The following PLEKHG3 variants were observed in gnomAD, a reference collection of about 807,000 sequenced individuals.
PLEKHG3 encodes the protein pleckstrin homology domain-containing family G member 3.
Under a neutral mutation model 94.9 loss-of-function variants are expected in PLEKHG3, and 62 were observed. The ratio of observed to expected loss-of-function variants is 0.65; its 90% CI spans 0.53 to 0.81. PLEKHG3 has a LOEUF of 0.81. Ranked by LOEUF, PLEKHG3 falls within the 30% of genes least tolerant of loss-of-function variation. The probability of loss-of-function intolerance (pLI) is 0.00; values close to 1 mark genes in which losing one functional copy is unlikely to be tolerated. For synonymous variants in PLEKHG3, 614 were observed against 654.0 expected (o/e 0.94, Z 0.93); for missense variants, 1,461 against 1,619.3 (o/e 0.90, Z 1.68).
At position 64,741,669 on chromosome 14, in the gene PLEKHG3, G is replaced by C. The variant is rs202104329; in HGVS notation, c.2152G>C (p.Asp718His). The C allele has an allele frequency of 1.2e-6, 2 of 1,613,018 alleles. No individual in the cohort carries two copies. Among genetic ancestry groups the C allele is most frequent in the Non-Finnish European group, 1.7e-6 (2 of 1,180,038 alleles). The change falls in exon 16 of 17, where the codon GAC (aspartate) becomes CAC (histidine). Residue 718 changes from aspartate to histidine, a missense_variant. By Grantham distance (81) the Asp-to-His change is moderately conservative. Around this residue, in one of 3 missense-constraint regions of PLEKHG3, gnomAD observed 1,201 missense variants for 1,295.5 expected, o/e 0.93. Transcript: ENST00000247226. ...CTCCACCCGAGACCGGCTGTTGCTA[G>C]ACAAGATTAAGAGCTATTATGAAAA... ...ALSTRDRLLLDKIKSYYENAE... is the reference protein window; with the variant it reads ...ALSTRDRLLLHKIKSYYENAE...
chr14:64,730,693 G>C lies in PLEKHG3; in HGVS notation c.566+5G>C. On this transcript the variant is annotated splice_donor_5th_base_variant and intron_variant, in intron 5 of 16. Transcript: ENST00000247226. The surrounding 1 kb of genome is among the most constrained non-coding windows in gnomAD (Gnocchi z 5.4). ...GTATTGCAACAATTACCCCAAGTGA[G>C]TAATTGGGGTGAGAGGGAAGGCAGA... The C allele has an allele frequency of 6.2e-7, 1 of 1,611,162 alleles. No individual in the cohort carries two copies.
At position 64,722,974 on chromosome 14, in the gene PLEKHG3, T is replaced by C. The variant is rs1416456471; in HGVS notation, c.-39-4619T>C. On this transcript the variant is annotated intron_variant, in intron 1 of 16. Transcript: ENST00000247226. The surrounding 1 kb of genome is among the most constrained non-coding windows in gnomAD (Gnocchi z 4.3). ...AGAACACTGAGGCTGTTGTGGGTTA[T>C]GAGGGTGTGCCTTTTTTCTTTCCTG... Among the ~76,000 whole-genome samples the C allele has an allele frequency of 6.6e-6, 1 of 152,148 alleles. No individual in the cohort carries two copies. Among genetic ancestry groups the C allele is most frequent in the Non-Finnish European group, 1.5e-5 (1 of 68,024 alleles).
rs1324044150 is a variant in PLEKHG3 at position 64,741,331 on chromosome 14, T to C, written c.1814T>C (p.Ile605Thr). The C allele has an allele frequency of 1.9e-6, 3 of 1,613,622 alleles. No individual in the cohort carries two copies. The highest frequency in any genetic ancestry group is 2.2e-5 in the East Asian group (1 of 44,874). ...PPSVLDQASV[I>T]AERFVSSFSR... ...TCTGTGCTGGACCAGGCCAGCGTCA[T>C]TGCGGAGCGATTTGTCAGCAGCTTC... The change falls in exon 16 of 17, where the codon ATT becomes ACT. Residue 605 changes from isoleucine to threonine, a missense_variant. By Grantham distance (89) the Ile-to-Thr change is moderately conservative. Coordinates refer to ENST00000247226, the MANE Select transcript of PLEKHG3 (RefSeq NM_001308147.2).
Position 64,736,858 on chromosome 14 carries a change from A to G in PLEKHG3, c.1351A>G (p.Thr451Ala). ...GCTCATGCTTTCCTCCTCAGAGCCA[A>G]CCAAACACCTGCTCAGGCAACTCAA... ...VRQGRRQSEP[T>A]KHLLRQLNEK... is the part of the protein sequence containing the mutation. The change falls in exon 13 of 17, where the codon ACC becomes GCC. Residue 451 changes from threonine (T) to alanine (A), a missense_variant. Physicochemically the swap from Thr to Ala is moderately conservative, Grantham distance 58. This residue lies in a region of PLEKHG3 where 1,201 missense variants were observed against 1,295.5 expected (regional missense o/e 0.93). Transcript: ENST00000247226. 2 of 1,613,222 alleles carry G rather than the reference A, an allele frequency of 1.2e-6. No homozygotes were observed. Among genetic ancestry groups the G allele is most frequent in the South Asian group, 1.1e-5 (1 of 91,066 alleles).
In PLEKHG3 at chr14:64,716,510, C is replaced by CA. The variant is rs1251193882; in HGVS notation, c.-39-11082dup. Among the ~76,000 whole-genome samples the CA allele has an allele frequency of 1.4e-4, 19 of 137,530 alleles. No individual in the cohort carries two copies. Among genetic ancestry groups the CA allele is most frequent in the South Asian group, 4.7e-4 (2 of 4,230 alleles). 90.2% of individuals were successfully genotyped at this position (137,530 alleles called of 152,430 possible). On this transcript the variant is annotated intron_variant, in intron 1 of 16. Coordinates refer to ENST00000247226, the MANE Select transcript of PLEKHG3 (RefSeq NM_001308147.2). This position sits in a 1 kb window ranked among gnomAD's most constrained non-coding sequence, Gnocchi z 5.0. Reference sequence around the variant, plus strand: ...CACACACACACAACACACACACACACACACACACACACACACACACACACA... The same window carrying CA: ...CACACACACACAACACACACACACACAACACACACACACACACACACACACA...
intron 1 of PLEKHG3, among the ~76,000 whole-genome samples, chr14:64,724,279 A>G (rs1047243028): frequency 2.6e-5 from 4 of 152,050 alleles, no homozygotes; most frequent in African/African-American, 9.7e-5. Flanking sequence ...ATCCGTCACC[A>G]TCAAACGGTG....
chr14:64,740,337 G>T, intron 15 of PLEKHG3, among the ~76,000 whole-genome samples: 1 of 152,238 alleles, frequency 6.6e-6, no homozygotes, highest in East Asian at 1.9e-4. Context: ...TATGTCATCA[G>T]TTCTGTGGTT....
In PLEKHG3 at chr14:64,743,788, G is replaced by T; in HGVS notation, c.*85G>T. ...TTCCCCTCAAGCCTGGGCTCATGGA[G>T]CCCCTGCCCAGGGCCCTCAGGTGGG... On this transcript the variant is annotated 3_prime_UTR_variant, in exon 17 of 17. Coordinates refer to ENST00000247226, the MANE Select transcript of PLEKHG3 (RefSeq NM_001308147.2). The surrounding 1 kb of genome is among the most constrained non-coding windows in gnomAD (Gnocchi z 7.2). The T allele has an allele frequency of 7.0e-7, 1 of 1,425,428 alleles. No individual in the cohort carries two copies. The highest frequency in any genetic ancestry group is 9.3e-7 in the Non-Finnish European group (1 of 1,078,924). 88.3% of individuals were successfully genotyped at this position (1,425,428 alleles called of 1,614,324 possible). A position where few individuals can be genotyped will look rare whatever the true frequency, so the allele number is the denominator to read the frequency against.
Position 64,743,311 on chromosome 14 carries a change from C to T in PLEKHG3, c.3268C>T (p.Pro1090Ser), listed in dbSNP as rs749767911. ...GGTGCCGGAGAACATGGTAGAGCCACCTCTGTCGGGCAGGGTGGGCCGCTG... is the reference window on the plus strand; with the variant it reads ...GGTGCCGGAGAACATGGTAGAGCCATCTCTGTCGGGCAGGGTGGGCCGCTG... ...HSVPENMVEP[P>S]LSGRVGRCRS... The change falls in exon 17 of 17, where the codon CCT becomes TCT. Residue 1090 changes from proline to serine, a missense_variant. By Grantham distance (74) the Pro-to-Ser change is moderately conservative. Transcript: ENST00000247226. This position sits in a 1 kb window ranked among gnomAD's most constrained non-coding sequence, Gnocchi z 7.2. 3.1e-6 allele frequency: 5 copies of T among 1,608,196 alleles called. No homozygotes were observed. In the East Asian group the frequency reaches 1.1e-4, roughly 36 times the overall value.
intron 1 of PLEKHG3, among the ~76,000 whole-genome samples, chr14:64,710,405 C>T (rs2081049790): frequency 2.0e-5 from 3 of 152,220 alleles, no homozygotes; most frequent in Non-Finnish European, 4.4e-5. Flanking sequence ...CGCAGTGGCT[C>T]ATGCCTGTAA....
chr14:64,730,177 A>T lies in PLEKHG3; in HGVS notation c.450-66A>T, dbSNP rs2081431754. ...TCAGTCAGGGTTTGGGAGGTTGGGG[A>T]GGGGGCAGTGAGGGGCATTGTCCTC... On this transcript the variant is annotated intron_variant, in intron 3 of 16. Transcript: ENST00000247226. This position sits in a 1 kb window ranked among gnomAD's most constrained non-coding sequence, Gnocchi z 5.4. The T allele has an allele frequency of 1.2e-6, 1 of 847,628 alleles. No homozygotes were observed. Among genetic ancestry groups the T allele is most frequent in the African/African-American group, 1.7e-5 (1 of 59,764 alleles). 52.5% of individuals were successfully genotyped at this position (847,628 alleles called of 1,614,324 possible). A position where few individuals can be genotyped will look rare whatever the true frequency, so the allele number is the denominator to read the frequency against.
chr14:64,738,341 C>T lies in PLEKHG3; in HGVS notation c.1405-401C>T, dbSNP rs749247307. 5 of 522,476 alleles carry T rather than the reference C, an allele frequency of 9.6e-6. No homozygotes were observed. Among genetic ancestry groups the T allele is most frequent in the Admixed American group, 6.0e-5 (2 of 33,540 alleles). The allele number at this position is 522,476 out of a possible 1,614,324, so 32.4% of individuals were successfully genotyped here. Reference sequence around the variant, plus strand: ...CACCCTGCCCTGGTTTTACTCCTCCCCTCAGCACTTAACACCATCGCTCGC... The same window carrying T: ...CACCCTGCCCTGGTTTTACTCCTCCTCTCAGCACTTAACACCATCGCTCGC... On this transcript the variant is annotated intron_variant, in intron 14 of 16. Transcript: ENST00000247226. This position sits in a 1 kb window ranked among gnomAD's most constrained non-coding sequence, Gnocchi z 4.8.
chr14:64,748,989 A>C lies in PLEKHG3; in HGVS notation c.*5286A>C. 1 of 228,872 alleles carries C rather than the reference A, an allele frequency of 4.4e-6. No individual in the cohort carries two copies. The allele number at this position is 228,872 out of a possible 1,614,324, so 14.2% of individuals were successfully genotyped here. On this transcript the variant is annotated 3_prime_UTR_variant, in exon 17 of 17. Transcript: ENST00000247226. Reference sequence around the variant, plus strand: ...TAAGGGGCCTGTGCCCCCTCGGCTCAGGAGGAGGGTGGGAGAGGAGGGCGT... The same window carrying C: ...TAAGGGGCCTGTGCCCCCTCGGCTCCGGAGGAGGGTGGGAGAGGAGGGCGT...
Position 64,725,769 on chromosome 14 carries a change from G to A in PLEKHG3, c.-39-1824G>A, listed in dbSNP as rs1479130528. On this transcript the variant is annotated intron_variant, in intron 1 of 16. Transcript: ENST00000247226. This position sits in a 1 kb window ranked among gnomAD's most constrained non-coding sequence, Gnocchi z 5.0. ...CCTTGGAGGTGACCCCCTCCAGTGA[G>A]ACACAGTGACAAAGTGCTGTGCTCC... 6.6e-6 allele frequency among the ~76,000 whole-genome samples: 1 copy of A among 152,222 alleles called. No homozygotes were observed. The highest frequency in any genetic ancestry group is 2.4e-5 in the African/African-American group (1 of 41,454).
rs1037203557 is a variant in PLEKHG3 at position 64,718,610 on chromosome 14, C to T, written c.-39-8983C>T. Among the ~76,000 whole-genome samples, 7 of 152,172 alleles carry T rather than the reference C, an allele frequency of 4.6e-5. No individual in the cohort carries two copies. The highest frequency in any genetic ancestry group is 5.9e-5 in the Non-Finnish European group (4 of 68,038). On this transcript the variant is annotated intron_variant, in intron 1 of 16. Coordinates refer to ENST00000247226, the MANE Select transcript of PLEKHG3 (RefSeq NM_001308147.2). This position sits in a 1 kb window ranked among gnomAD's most constrained non-coding sequence, Gnocchi z 5.0. ...GAGAGAGATTGAGGCACAAAGAGCC[C>T]GCTGACTTGCTCCTGATCATACAGT... is the stretch of plus-strand genomic sequence containing the variant.
At chr14:64,714,342 T>G (rs561115149) in intron 1 of PLEKHG3, among the ~76,000 whole-genome samples, 2 of 152,318 alleles carry the variant, frequency 1.3e-5, no homozygotes, top group African/African-American at 2.4e-5. Context: ...CTTCACATGT[T>G]TGGCTGCTTC....
rs1216571621 is a variant in PLEKHG3 at position 64,722,316 on chromosome 14, C to A, written c.-39-5277C>A. Among the ~76,000 whole-genome samples the A allele has an allele frequency of 6.6e-6, 1 of 152,172 alleles. No individual in the cohort carries two copies. Among genetic ancestry groups the A allele is most frequent in the Admixed American group, 6.5e-5 (1 of 15,290 alleles). ...TGCAACCTCCTGGGTTCAAGCAATT[C>A]TCCTGCCTCAGCCTCGCGAGTAGCT... On this transcript the variant is annotated intron_variant, in intron 1 of 16. Coordinates refer to ENST00000247226, the MANE Select transcript of PLEKHG3 (RefSeq NM_001308147.2). This position sits in a 1 kb window ranked among gnomAD's most constrained non-coding sequence, Gnocchi z 4.3.
chr14:64,728,326 C>T lies in PLEKHG3; in HGVS notation c.351+344C>T, dbSNP rs921952219. 6.6e-6 allele frequency among the ~76,000 whole-genome samples: 1 copy of T among 152,232 alleles called. No homozygotes were observed. The highest frequency in any genetic ancestry group is 1.5e-5 in the Non-Finnish European group (1 of 68,042). On this transcript the variant is annotated intron_variant, in intron 2 of 16. Coordinates refer to ENST00000247226, the MANE Select transcript of PLEKHG3 (RefSeq NM_001308147.2). This position sits in a 1 kb window ranked among gnomAD's most constrained non-coding sequence, Gnocchi z 5.9. ...CCTGCCCTGTTGTTTCCTGGCTGTGCGGAGCCTCAGGTTCCTCCTCTGTAA... is the reference window on the plus strand; with the variant it reads ...CCTGCCCTGTTGTTTCCTGGCTGTGTGGAGCCTCAGGTTCCTCCTCTGTAA...
In PLEKHG3 at chr14:64,730,016, G is replaced by T. The variant is rs369772745; in HGVS notation, c.450-227G>T. Reference sequence around the variant, plus strand: ...GGGGTCCCCTCTTCATCTCCCTCTTGTTGAGCCTGTAGGTCTCCCTGACTT... The same window carrying T: ...GGGGTCCCCTCTTCATCTCCCTCTTTTTGAGCCTGTAGGTCTCCCTGACTT... On this transcript the variant is annotated intron_variant, in intron 3 of 16. Coordinates refer to ENST00000247226, the MANE Select transcript of PLEKHG3 (RefSeq NM_001308147.2). This position sits in a 1 kb window ranked among gnomAD's most constrained non-coding sequence, Gnocchi z 5.4. Among the ~76,000 whole-genome samples, 3 of 152,210 alleles carry T rather than the reference G, an allele frequency of 2.0e-5. No homozygotes were observed. Among genetic ancestry groups the T allele is most frequent in the South Asian group, 2.1e-4 (1 of 4,832 alleles).
Sources: allele counts gnomAD v4.1 joint callset (sites outside exome capture counted in the v4.1 genomes callset), GRCh38; gene constraint gnomAD v4.1.1; regional missense constraint gnomAD v4.1.1; non-coding constraint Gnocchi (gnomAD v3.1); transcripts MANE v1.5; gene names NCBI Gene and HGNC (gene_info 2026-07-23, HGNC 2026-07-21).